The following ABLIM1 variants were observed in gnomAD, a reference collection of about 807,000 sequenced individuals.
ABLIM1 encodes the protein actin-binding LIM protein 1.
Under a neutral mutation model 107.0 loss-of-function variants are expected in ABLIM1, and 40 were observed. That is an observed-to-expected ratio of 0.37 (90% CI 0.29 to 0.49). The LOEUF (loss-of-function observed/expected upper bound fraction) is 0.49. Among genes scored for constraint, ABLIM1 ranks in the 20% least tolerant of loss-of-function variants. The pLI is 0.97. For missense variants in ABLIM1, 857 were observed against 1,008.5 expected (o/e 0.85, Z 2.04); for synonymous variants, 357 against 357.3 (o/e 1.00, Z 0.01).
At chr10:114,652,270 C>T (rs572416409) in intron 1 of ABLIM1, among the ~76,000 whole-genome samples, 13 of 152,152 alleles carry the variant, frequency 8.5e-5, no homozygotes, top group African/African-American at 2.9e-4. Context: ...ATACCCAAGA[C>T]GCTTCCCCTA....
intron 1 of ABLIM1, among the ~76,000 whole-genome samples, chr10:114,715,436 G>C (rs1454379931): frequency 2.0e-5 from 3 of 152,154 alleles, no homozygotes; most frequent in African/African-American, 7.2e-5. Flanking sequence ...TCTTTCCTTA[G>C]TAAGAACCCA....
At chr10:114,607,733 G>C (rs560792637) in intron 1 of ABLIM1, among the ~76,000 whole-genome samples, 45 of 152,204 alleles carry the variant, frequency 3.0e-4, no homozygotes, top group African/African-American at 1.0e-3. Context: ...AAAAACACCT[G>C]ACAAGTACTC....
At position 114,433,190 on chromosome 10, in the gene ABLIM1, T is replaced by C. The variant is rs938113506; in HGVS notation, c.*3070A>G. The C allele has an allele frequency of 6.6e-6, 1 of 152,138 alleles. No individual in the cohort carries two copies. Among genetic ancestry groups the C allele is most frequent in the African/African-American group, 2.4e-5 (1 of 41,414 alleles). 9.4% of individuals were successfully genotyped at this position (152,138 alleles called of 1,614,324 possible). A position where few individuals can be genotyped will look rare whatever the true frequency, so the allele number is the denominator to read the frequency against. On this transcript the variant is annotated 3_prime_UTR_variant, in exon 23 of 23. Transcript: ENST00000533213. Reference sequence around the variant, plus strand: ...CCTAGGGTGAACAAGCTCCACCAGTTTGAGTGTGTTAATAACTGGAATTTT... The same window carrying C: ...CCTAGGGTGAACAAGCTCCACCAGTCTGAGTGTGTTAATAACTGGAATTTT...
intron 1 of ABLIM1, among the ~76,000 whole-genome samples, chr10:114,756,819 A>G (rs965802021): frequency 1.3e-5 from 2 of 152,134 alleles, no homozygotes; most frequent in African/African-American, 4.8e-5. Context: ...CCCATATCCA[A>G]TCAGGATGCA....
intron 2 of ABLIM1, among the ~76,000 whole-genome samples, chr10:114,592,316 T>C (rs1259927410): frequency 6.6e-6 from 1 of 152,026 alleles, no homozygotes; most frequent in African/African-American, 2.4e-5. Context: ...GGCAAAGAAA[T>C]AGTAAGTGCA....
At chr10:114,785,372 G>A in the ABLIM1 span, among the ~76,000 whole-genome samples, 12 of 152,254 alleles carry the variant, frequency 7.9e-5, no homozygotes, top group Non-Finnish European at 1.0e-4. Context: ...AAAGATTGAA[G>A]TCTCTTGTAT....
intron 13 of ABLIM1, among the ~76,000 whole-genome samples, chr10:114,452,137 G>GT (rs971177630): frequency 1.6e-4 from 24 of 152,098 alleles, no homozygotes; most frequent in Admixed American, 6.5e-5. Flanking sequence ...AAAATCAAAA[G>GT]TTTTTTTAAA....
intron 8 of ABLIM1, chr10:114,485,473 C>T: frequency 1.7e-6 from 2 of 1,174,746 alleles, no homozygotes; most frequent in Non-Finnish European, 2.3e-6. Flanking sequence ...ACAACAACCA[C>T]CTTAGGTAAA....
intron 2 of ABLIM1, among the ~76,000 whole-genome samples, chr10:114,581,101 C>T (rs767931563): frequency 3.3e-5 from 5 of 152,116 alleles, no homozygotes; most frequent in Non-Finnish European, 7.4e-5. Flanking sequence ...CCACTGAATA[C>T]AATCAACTAC....
chr10:114,539,498 G>A (rs2066403980), intron 6 of ABLIM1, among the ~76,000 whole-genome samples: 1 of 152,174 alleles, frequency 6.6e-6, no homozygotes, highest in Admixed American at 6.5e-5. Context: ...TTATACCTTT[G>A]TAAACAGAGA....
chr10:114,522,803 A>G (rs114017475), intron 6 of ABLIM1, among the ~76,000 whole-genome samples: 3,027 of 152,286 alleles, frequency 0.02, 102 homozygotes, highest in African/African-American at 0.068. Context: ...AAGCCTCTGC[A>G]GCTTAAGGTA....
intron 6 of ABLIM1, among the ~76,000 whole-genome samples, chr10:114,494,827 C>A (rs1590408911): frequency 6.6e-6 from 1 of 152,282 alleles, no homozygotes; most frequent in Non-Finnish European, 1.5e-5. Flanking sequence ...GTGCAGGTGA[C>A]AATCTCTCTA....
chr10:114,504,000 C>T (rs2060783054), intron 6 of ABLIM1, among the ~76,000 whole-genome samples: 1 of 152,164 alleles, frequency 6.6e-6, no homozygotes, highest in Non-Finnish European at 1.5e-5. Context: ...CAAGGGTTGA[C>T]ATTGCAATAG....
At chr10:114,461,151 C>T (rs1472137450) in intron 12 of ABLIM1, among the ~76,000 whole-genome samples, 4 of 151,862 alleles carry the variant, frequency 2.6e-5, no homozygotes, top group African/African-American at 9.7e-5. Context: ...GCAACCTCCA[C>T]CTCCTGGGCT....
In ABLIM1 at chr10:114,437,934, A is replaced by G; in HGVS notation, c.2143-10T>C. The G allele has an allele frequency of 6.2e-7, 1 of 1,610,392 alleles. No individual in the cohort carries two copies. Among genetic ancestry groups the G allele is most frequent in the Non-Finnish European group, 8.5e-7 (1 of 1,176,652 alleles). ...TTTCATATGGAAATATCTGAGAAGA[A>G]AGAAAACACCTCTTCTAGAACACCA... On this transcript the variant is annotated splice_polypyrimidine_tract_variant and intron_variant, in intron 21 of 22. Coordinates refer to ENST00000533213, the MANE Select transcript of ABLIM1 (RefSeq NM_002313.7).
chr10:114,600,994 G>A (rs74649748), intron 2 of ABLIM1, among the ~76,000 whole-genome samples: 2,229 of 151,320 alleles, frequency 0.015, 46 homozygotes, highest in African/African-American at 0.051. Flanking sequence ...TGGATGGCAG[G>A]TCTTTTTCTG....
At chr10:114,659,409 C>T (rs1319712460), upstream of ABLIM1, among the ~76,000 whole-genome samples, 3 of 151,338 alleles carry the variant, frequency 2.0e-5, no homozygotes, top group Admixed American at 6.6e-5. Flanking sequence ...CCCAGCTACT[C>T]GGGAGGCTGA....
intron 1 of ABLIM1, among the ~76,000 whole-genome samples, chr10:114,613,265 G>A (rs1212730044): frequency 6.6e-6 from 1 of 152,210 alleles, no homozygotes; most frequent in Non-Finnish European, 1.5e-5. Flanking sequence ...AAAATCTTGA[G>A]GGGGTTTCTG....
At chr10:114,734,472 C>G (rs2082138551) in intron 1 of ABLIM1, among the ~76,000 whole-genome samples, 1 of 151,812 alleles carries the variant, frequency 6.6e-6, no homozygotes. Context: ...CCTTCAGTTT[C>G]TCCCAGACAA....
Sources: gnomAD v4.1 joint callset for allele counts (sites outside exome capture counted in the v4.1 genomes callset) on GRCh38, gnomAD v4.1.1 for gene constraint, MANE v1.5 for transcripts, NCBI Gene and HGNC (gene_info 2026-07-23, HGNC 2026-07-21) for gene names.